PUS7: variants seen among roughly 807,000 people sequenced by gnomAD.
The protein encoded by PUS7 is pseudouridylate synthase 7 homolog.
Under a neutral mutation model 79.8 loss-of-function variants are expected in PUS7, and 48 were observed. The observed-to-expected ratio is 0.60, with a 90% CI of 0.48 to 0.76. The LOEUF (loss-of-function observed/expected upper bound fraction) is 0.76, where lower values mean the gene tolerates loss of function less well. PUS7 is among the 30% of genes least tolerant of loss of function. PUS7 has a pLI of 0.00. For missense variants in PUS7, 729 were observed against 797.6 expected (o/e 0.91, Z 1.04); for synonymous variants, 286 against 272.2 (o/e 1.05, Z -0.50).
chr7:105,521,274 G>GA (rs1381993206), intron 1 of PUS7, among the ~76,000 whole-genome samples: 4 of 151,274 alleles, frequency 2.6e-5, no homozygotes, highest in African/African-American at 4.8e-5. Context: ...TTTTGGAATG[G>GA]AAAAAAAAAG....
intron 1 of PUS7, 112 bp downstream of exon 1, chr7:105,521,940 C>G (rs896639702): frequency 1.3e-5 from 2 of 152,504 alleles, no homozygotes; most frequent in African/African-American, 4.8e-5. Flanking sequence ...GGCCGCCTTC[C>G]CAGTCCGCCT....
intron 6 of PUS7, among the ~76,000 whole-genome samples, chr7:105,494,596 G>C (rs1399220532): frequency 6.6e-6 from 1 of 151,894 alleles, no homozygotes; most frequent in African/African-American, 2.4e-5. Context: ...TTTTAGTAGA[G>C]ATTGGGTTTC....
chr7:105,507,978 T>C, intron 2 of PUS7, 137 bp downstream of exon 2: 1 of 1,179,550 alleles, frequency 8.5e-7, no homozygotes, highest in Non-Finnish European at 1.1e-6. Context: ...GCAGGTTTCC[T>C]TCATCCTATT....
chr7:105,469,203 C>T (rs1291649622), intron 11 of PUS7, among the ~76,000 whole-genome samples: 2 of 152,136 alleles, frequency 1.3e-5, no homozygotes, highest in Non-Finnish European at 1.5e-5. Flanking sequence ...CTGCACCCAG[C>T]CAAAACTTCT....
At chr7:105,510,774 C>T (rs1278994136) in intron 1 of PUS7, among the ~76,000 whole-genome samples, 4 of 152,034 alleles carry the variant, frequency 2.6e-5, no homozygotes, top group Admixed American at 2.6e-4. Context: ...ACTGGGCTCC[C>T]AAAGTGCTGG....
chr7:105,477,804 G>C (rs1381793809), intron 9 of PUS7, among the ~76,000 whole-genome samples: 1 of 150,790 alleles, frequency 6.6e-6, no homozygotes, highest in Non-Finnish European at 1.5e-5. Flanking sequence ...CATAGAAATT[G>C]ATTCATTCAT....
At chr7:105,505,759 G>A (rs188738021) in intron 4 of PUS7, among the ~76,000 whole-genome samples, 196 bp downstream of exon 4, 3 of 152,010 alleles carry the variant, frequency 2.0e-5, no homozygotes, top group African/African-American at 4.8e-5. Context: ...TGTAACTTTG[G>A]GGGGGGCTAT....
At chr7:105,468,229 C>T in intron 12 of PUS7, 108 bp downstream of exon 12, 2 of 1,443,656 alleles carry the variant, frequency 1.4e-6, no homozygotes, top group South Asian at 1.4e-5. Context: ...CACCGTGCCT[C>T]ACCACATCTC....
At chr7:105,518,561 C>G (rs1825982855) in intron 1 of PUS7, among the ~76,000 whole-genome samples, 1 of 151,734 alleles carries the variant, frequency 6.6e-6, no homozygotes, top group Non-Finnish European at 1.5e-5. Context: ...GCCACCATGC[C>G]CAGTTAATTT....
intron 15 of PUS7, 46 bp from the exon 16 acceptor site, chr7:105,457,972 G>A (rs1823256870): frequency 6.3e-7 from 1 of 1,596,738 alleles, no homozygotes; most frequent in African/African-American, 1.4e-5. Flanking sequence ...GGCAGCTGCA[G>A]ACAGACCAGC....
intron 12 of PUS7, among the ~76,000 whole-genome samples, chr7:105,467,490 C>T (rs530706035): frequency 2.8e-4 from 43 of 151,500 alleles, no homozygotes; most frequent in Non-Finnish European, 2.5e-4. Context: ...GGCGTTTCAC[C>T]GTGTTAGCCA....
chr7:105,457,415 G>A lies in PUS7; in HGVS notation c.*375C>T, dbSNP rs1010239594. The A allele has an allele frequency of 7.7e-5, 12 of 155,394 alleles. No individual in the cohort carries two copies. Among genetic ancestry groups the A allele is most frequent in the Non-Finnish European group, 1.1e-4 (8 of 70,230 alleles). 9.6% of individuals were successfully genotyped at this position (155,394 alleles called of 1,614,324 possible). A position where few individuals can be genotyped will look rare whatever the true frequency, so the allele number is the denominator to read the frequency against. The stretch of plus-strand genomic sequence containing the variant: ...GTTTTGTTGCATTTGCTCTTAAAAT[G>A]CATTGTTGTATACTCCATCACAGAT... On this transcript the variant is annotated 3_prime_UTR_variant, in exon 16 of 16. Transcript: ENST00000469408.
chr7:105,487,594 C>G (rs1824603321), intron 7 of PUS7, among the ~76,000 whole-genome samples: 1 of 152,128 alleles, frequency 6.6e-6, no homozygotes, highest in Non-Finnish European at 1.5e-5. Flanking sequence ...TGATACTATT[C>G]ACAGTTTTAA....
At chr7:105,502,625 A>G in intron 4 of PUS7, 61 bp from the exon 5 acceptor site, 1 of 1,554,488 alleles carries the variant, frequency 6.4e-7, no homozygotes, top group Non-Finnish European at 8.8e-7. Context: ...GGGAAGTAAT[A>G]CAGTGAATTA....
rs769788716 is a variant in PUS7 at position 105,508,334 on chromosome 7, C to A, written c.179G>T (p.Arg60Leu). 6.2e-7 allele frequency: 1 copy of A among 1,613,972 alleles called. No individual in the cohort carries two copies. The highest frequency in any genetic ancestry group is 2.2e-5 in the East Asian group (1 of 44,880). ...DFLSISEDVP[R>L]PPDTVSTGKG... is the part of the protein sequence containing the mutation. ...CCCAGTACTGACAGTGTCAGGAGGC[C>A]GAGGCACGTCTTCACTGATGGACAG... The change falls in exon 2 of 16, where the codon CGG becomes CTG. Residue 60 changes from arginine (R) to leucine (L), a missense_variant. Arg to Leu is a moderately radical substitution (Grantham distance 102). Transcript: ENST00000469408.
chr7:105,458,499 T>G (rs930173955), intron 15 of PUS7, among the ~76,000 whole-genome samples: 6 of 151,408 alleles, frequency 4.0e-5, no homozygotes, highest in Non-Finnish European at 5.9e-5. Flanking sequence ...ACTCCTGACC[T>G]CAAGTGATCC....
At position 105,457,832 on chromosome 7, in the gene PUS7, A is replaced by G. The variant is rs1437962296; in HGVS notation, c.1944T>C (p.Ser648=). 1 of 1,614,202 alleles carries G rather than the reference A, an allele frequency of 6.2e-7. No homozygotes were observed. The highest frequency in any genetic ancestry group is 1.1e-5 in the South Asian group (1 of 91,084). The change falls in exon 16 of 16, where the codon AGT becomes AGC. Residue 648 remains serine (S), a synonymous_variant. Transcript: ENST00000469408. ...TATTCAGCTGCGTCTGGTTCTTGAT[A>G]CTGGTATCCATTTTTAGCACTTCTC... The part of the protein sequence containing the change: ...AIREVLKMDT[S]IKNQTQLNTT...
chr7:105,508,213 A>G lies in PUS7; in HGVS notation c.300T>C (p.Ser100=), dbSNP rs1261984316. 1 of 1,613,572 alleles carries G rather than the reference A, an allele frequency of 6.2e-7. No homozygotes were observed. ...SEECEEEESE[S]FADMMKHGLT... is the part of the protein sequence containing the mutation. ...GTCCATGCTTCATCATGTCTGCAAA[A>G]CTCTCTGATTCCTCCTCCTCGCACT... Residue 100 remains serine (S), a synonymous_variant, in exon 2 of 16, where the codon AGT becomes AGC. Coordinates refer to ENST00000469408, the MANE Select transcript of PUS7 (RefSeq NM_019042.5).
chr7:105,506,263 A>T lies in PUS7; in HGVS notation c.409T>A (p.Phe137Ile), dbSNP rs757206425. Residue 137 changes from phenylalanine to isoleucine, a missense_variant, in exon 3 of 16, where the codon TTC (phenylalanine) becomes ATC (isoleucine). Coordinates refer to ENST00000469408, the MANE Select transcript of PUS7 (RefSeq NM_019042.5). The part of the protein sequence containing the change: ...SGILKERYSD[F>I]VVHEIGKDGR... ...TCTTTTCCTATTTCATGAACAACGAAGTCGGAGTATCTGATGAAAGAAAAC... is the reference window on the plus strand; with the variant it reads ...TCTTTTCCTATTTCATGAACAACGATGTCGGAGTATCTGATGAAAGAAAAC... The T allele has an allele frequency of 6.2e-7, 1 of 1,610,906 alleles. No individual in the cohort carries two copies. The highest frequency in any genetic ancestry group is 1.7e-5 in the Admixed American group (1 of 59,678).
Sources: gnomAD v4.1 joint callset for allele counts (sites outside exome capture counted in the v4.1 genomes callset) on GRCh38, gnomAD v4.1.1 for gene constraint, MANE v1.5 for transcripts, NCBI Gene and HGNC (gene_info 2026-07-23, HGNC 2026-07-21) for gene names.